The following PMPCB variants were observed in gnomAD, a reference collection of about 807,000 sequenced individuals.
PMPCB encodes mitochondrial-processing peptidase subunit beta.
Under a neutral mutation model 61.5 loss-of-function variants are expected in PMPCB, and 46 were observed. The observed-to-expected ratio is 0.75, with a 90% confidence interval of 0.59 to 0.96. The LOEUF is 0.96. PMPCB is among the 40% of genes least tolerant of loss of function. The probability of loss-of-function intolerance (pLI) is 0.00; values close to 1 mark genes in which losing one functional copy is unlikely to be tolerated. For synonymous variants in PMPCB, 191 were observed against 201.6 expected (o/e 0.95, Z 0.44); for missense variants, 590 against 602.4 (o/e 0.98, Z 0.22).
chr7:103,304,102 A>G (rs1817518221), intron 5 of PMPCB, 62 bp downstream of exon 5: 1 of 1,268,818 alleles, frequency 7.9e-7, no homozygotes, highest in African/African-American at 1.5e-5. Context: ...ATAAACATTT[A>G]CAAATTTTCA....
chr7:103,298,625 C>G lies in PMPCB; in HGVS notation c.157C>G (p.Leu53Val). 1 of 1,613,810 alleles carries G rather than the reference C, an allele frequency of 6.2e-7. No homozygotes were observed. Among genetic ancestry groups the G allele is most frequent in the Non-Finnish European group, 8.5e-7 (1 of 1,179,710 alleles). The change falls in exon 2 of 13, where the codon CTG (leucine) becomes GTG (valine). Residue 53 changes from leucine to valine, a missense_variant. Leu to Val is a conservative substitution (Grantham distance 32). Transcript: ENST00000249269. ...TACACAGGCTGCTACCCAAGTTGTT[C>G]TGAATGTTCCTGAAACAAGAGTAAC... ...RSTQAATQVV[L>V]NVPETRVTCL... is the part of the protein sequence containing the mutation.
downstream of PMPCB, among the ~76,000 whole-genome samples, chr7:103,318,176 T>A (rs919660543): frequency 7.3e-6 from 1 of 136,456 alleles, no homozygotes; most frequent in African/African-American, 2.5e-5. Flanking sequence ...TTTTTGTCTG[T>A]TTTTTTTGAG....
At chr7:103,327,088 T>G (rs962227439) in intron 12 of PMPCB, among the ~76,000 whole-genome samples, 13 of 152,264 alleles carry the variant, frequency 8.5e-5, no homozygotes, top group African/African-American at 2.9e-4. Context: ...TGTTCAAAAA[T>G]TAGCATCAAA....
downstream of PMPCB, chr7:103,319,566 T>C: frequency 6.3e-7 from 1 of 1,585,382 alleles, no homozygotes; most frequent in Non-Finnish European, 8.7e-7. Flanking sequence ...CAAAGCAGAA[T>C]TAAATGCTAC....
intron 9 of PMPCB, chr7:103,311,260 A>G (rs559057344): frequency 5.5e-6 from 1 of 182,592 alleles, no homozygotes; most frequent in Non-Finnish European, 1.1e-5. Flanking sequence ...ACTAGGATGT[A>G]ATTATTGTTA....
downstream of PMPCB, chr7:103,315,939 A>G: frequency 6.4e-7 from 1 of 1,550,808 alleles, no homozygotes; most frequent in East Asian, 2.3e-5. Context: ...TGCATAAGTT[A>G]TTTTAAAAAT....
At chr7:103,324,556 T>G in intron 12 of PMPCB, 1 of 1,478,370 alleles carries the variant, frequency 6.8e-7, no homozygotes, top group South Asian at 1.3e-5. Context: ...TTTTTTTATT[T>G]GACCATCTGA....
chr7:103,328,223 G>GA (rs1818810733), intron 12 of PMPCB, among the ~76,000 whole-genome samples: 2 of 152,028 alleles, frequency 1.3e-5, no homozygotes, highest in Non-Finnish European at 2.9e-5. Context: ...AGCCCGGCTT[G>GA]AAGTAATTAT....
intron 5 of PMPCB, 25 bp from the exon 6 acceptor site, chr7:103,304,385 TA>T: frequency 7.3e-7 from 1 of 1,362,364 alleles, no homozygotes; most frequent in Non-Finnish European, 1.0e-6. Flanking sequence ...TGGTTTCCTT[TA>T]AAAATTGTTT....
intron 12 of PMPCB, among the ~76,000 whole-genome samples, chr7:103,323,999 T>TCTCATCTCCA (rs1260483782): frequency 6.6e-6 from 1 of 152,240 alleles, no homozygotes. Flanking sequence ...ATCTCCAGTT[T>TCTCATCTCCA]GTATCCTCTG....
rs146846908 is a variant in PMPCB, at chr7:103,303,594, G to A, written c.458-248G>A. Among the ~76,000 whole-genome samples the A allele has an allele frequency of 4.9e-4, 74 of 152,210 alleles. 1 individual carries two copies. In the East Asian group the frequency reaches 0.012, roughly 25 times the overall value. Reference sequence around the variant, plus strand: ...AAATTTCCATAGCATTTTTTAAGTAGGTAGAGTCATTACAAGGTGATGGCA... The same window carrying A: ...AAATTTCCATAGCATTTTTTAAGTAAGTAGAGTCATTACAAGGTGATGGCA... On this transcript the variant is annotated intron_variant, in intron 4 of 12. Coordinates refer to ENST00000249269, the MANE Select transcript of PMPCB (RefSeq NM_004279.3).
chr7:103,307,506 T>C (rs1817621595), intron 6 of PMPCB, 90 bp from the exon 7 acceptor site: 1 of 722,732 alleles, frequency 1.4e-6, no homozygotes, highest in South Asian at 1.6e-5. Context: ...AGATAGTTCA[T>C]GTGTAATGTA....
intron 2 of PMPCB, 94 bp downstream of exon 2, chr7:103,298,802 CA>C (rs1817367087): frequency 4.2e-6 from 5 of 1,178,200 alleles, no homozygotes; most frequent in African/African-American, 3.1e-5. Context: ...GCTGGTGGTT[CA>C]AAAAGGGTGA....
At chr7:103,345,053 G>A in the PMPCB span, 1 of 339,590 alleles carries the variant, frequency 2.9e-6, no homozygotes, top group Non-Finnish European at 5.3e-6. Flanking sequence ...GATTTTCCCA[G>A]GAGCGCTATA....
chr7:103,343,198 A>G, the PMPCB span, among the ~76,000 whole-genome samples: 1 of 151,434 alleles, frequency 6.6e-6, no homozygotes, highest in Non-Finnish European at 1.5e-5. Flanking sequence ...ACAGGGTTTC[A>G]CCCTGTTAGC....
chr7:103,315,465 T>C (rs1409688801), downstream of PMPCB, among the ~76,000 whole-genome samples: 2 of 152,150 alleles, frequency 1.3e-5, no homozygotes, highest in Non-Finnish European at 2.9e-5. Context: ...ATCAAGCAAT[T>C]ATCCCGATAT....
Position 103,314,307 on chromosome 7 carries a change from C to T in PMPCB, c.*2036C>T, listed in dbSNP as rs190909957. The T allele has an allele frequency of 8.1e-6, 8 of 985,396 alleles. No homozygotes were observed. In the Admixed American group the frequency reaches 3.7e-4, roughly 45 times the overall value. 61.0% of individuals were successfully genotyped at this position (985,396 alleles called of 1,614,324 possible). ...AAATTAAACGTACTGTTGCAAAACT[C>T]CTATGAGAAATCACTATTCAAAAAA... On this transcript the variant is annotated 3_prime_UTR_variant, in exon 13 of 13. Transcript: ENST00000249269.
At chr7:103,326,698 T>G in intron 12 of PMPCB, 1 of 1,597,328 alleles carries the variant, frequency 6.3e-7, no homozygotes, top group Non-Finnish European at 8.5e-7. Flanking sequence ...AGAAAAAAAT[T>G]GTTAAGATCA....
In PMPCB at chr7:103,311,797, TCTTTA is replaced by T; in HGVS notation, c.1241-10_1241-6del. 1.2e-6 allele frequency: 2 copies of T among 1,609,038 alleles called. No individual in the cohort carries two copies. Among genetic ancestry groups the T allele is most frequent in the East Asian group, 2.2e-5 (1 of 44,828 alleles). ...TATTCCAATAGTTAATTTTTCCTTC[TCTTTA>T]AACAGGTTCAACTCCAATTTGTGAA... On this transcript the variant is annotated splice_polypyrimidine_tract_variant and splice_region_variant and intron_variant, in intron 10 of 12. Coordinates refer to ENST00000249269, the MANE Select transcript of PMPCB (RefSeq NM_004279.3).
Sources: allele counts gnomAD v4.1 joint callset (sites outside exome capture counted in the v4.1 genomes callset), GRCh38; gene constraint gnomAD v4.1.1; transcripts MANE v1.5; gene names NCBI Gene and HGNC (gene_info 2026-07-23, HGNC 2026-07-21).